Variants in CNTLN observed in about 807,000 individuals in gnomAD.
CNTLN encodes centlein.
In CNTLN, 212 loss-of-function variants were observed where a neutral mutation model predicts 180.0. That is an observed-to-expected ratio of 1.18 (90% CI 1.05 to 1.32). The LOEUF is 1.32. Among genes scored for constraint, CNTLN ranks in the 40% most tolerant of loss-of-function variants. The pLI is 0.00. For synonymous variants in CNTLN, 722 were observed against 563.1 expected (o/e 1.28, Z -3.99); for missense variants, 2,095 against 1,610.9 (o/e 1.30, Z -5.14).
In CNTLN at chr9:17,388,198, A is replaced by G. The variant is rs1282405842; in HGVS notation, c.2024A>G (p.Lys675Arg). The change falls in exon 14 of 26, where the codon AAG becomes AGG. Residue 675 changes from lysine (K) to arginine (R), a missense_variant. Physicochemically the swap from Lys to Arg is conservative, Grantham distance 26. Transcript: ENST00000380647. ...LFRSGEDDEV[K>R]RSTPEKNGKE... ...AGATCTGGTGAAGATGATGAGGTCA[A>G]GAGGAGTACTCCAGAGAAGAATGGA... 1.2e-6 allele frequency: 2 copies of G among 1,612,586 alleles called. No homozygotes were observed. The highest frequency in any genetic ancestry group is 1.7e-6 in the Non-Finnish European group (2 of 1,178,946).
intron 1 of CNTLN, among the ~76,000 whole-genome samples, chr9:17,137,894 T>C (rs1425821918): frequency 1.2e-4 from 18 of 152,210 alleles, no homozygotes; most frequent in Non-Finnish European, 1.5e-5. Flanking sequence ...GATTGTATTA[T>C]CTAATTAAAC....
At chr9:17,216,489 T>C (rs1033683839) in intron 2 of CNTLN, among the ~76,000 whole-genome samples, 1 of 152,184 alleles carries the variant, frequency 6.6e-6, no homozygotes, top group African/African-American at 2.4e-5. Flanking sequence ...CATGTTTTTA[T>C]TGGCCGGTTT....
chr9:17,267,404 C>A (rs201990417), intron 5 of CNTLN, among the ~76,000 whole-genome samples: 128 of 152,212 alleles, frequency 8.4e-4, no homozygotes, highest in African/African-American at 2.7e-3. Context: ...CTGCCGAGAG[C>A]TCCGCTGTTC....
At chr9:17,384,741 A>G (rs1224033475) in intron 13 of CNTLN, among the ~76,000 whole-genome samples, 1 of 152,182 alleles carries the variant, frequency 6.6e-6, no homozygotes, top group East Asian at 1.9e-4. Context: ...CTTGCTGATT[A>G]TTGCCTATTT....
chr9:17,397,650 T>A (rs1402345018), intron 15 of CNTLN, among the ~76,000 whole-genome samples: 3 of 152,154 alleles, frequency 2.0e-5, no homozygotes, highest in African/African-American at 7.2e-5. Context: ...TTGCCTAACT[T>A]ACTGGGAATG....
intron 7 of CNTLN, among the ~76,000 whole-genome samples, chr9:17,305,253 A>G (rs998855955): frequency 6.6e-6 from 1 of 152,182 alleles, no homozygotes; most frequent in African/African-American, 2.4e-5. Flanking sequence ...TAAGGATAGT[A>G]TATTGCTTAT....
intron 2 of CNTLN, among the ~76,000 whole-genome samples, chr9:17,205,077 G>C (rs1822823198): frequency 6.6e-6 from 1 of 152,142 alleles, no homozygotes; most frequent in East Asian, 1.9e-4. Context: ...AGACTGCTGT[G>C]CTGGCAGTGA....
chr9:17,294,470 A>G (rs987890327), intron 6 of CNTLN, among the ~76,000 whole-genome samples: 4 of 151,630 alleles, frequency 2.6e-5, no homozygotes, highest in Non-Finnish European at 4.4e-5. Flanking sequence ...TGGTGCATCC[A>G]CAAACCCTGA....
intron 16 of CNTLN, among the ~76,000 whole-genome samples, chr9:17,411,785 C>G (rs187496599): frequency 1.3e-5 from 2 of 152,076 alleles, no homozygotes; most frequent in Non-Finnish European, 2.9e-5. Flanking sequence ...TCCACCTCCC[C>G]GACCCACTCC....
intron 5 of CNTLN, among the ~76,000 whole-genome samples, chr9:17,264,800 C>T (rs1013249666): frequency 2.0e-5 from 3 of 151,910 alleles, no homozygotes; most frequent in South Asian, 2.1e-4. Context: ...CTCTTTGAAG[C>T]GATTGTGAAT....
intron 13 of CNTLN, among the ~76,000 whole-genome samples, chr9:17,372,077 C>T (rs1554703827): frequency 6.6e-6 from 1 of 151,556 alleles, no homozygotes; most frequent in African/African-American, 2.4e-5. Context: ...GCTAATCAAA[C>T]CCAAAATTAG....
At chr9:17,518,348 C>T in the CNTLN span, among the ~76,000 whole-genome samples, 6 of 152,128 alleles carry the variant, frequency 3.9e-5, no homozygotes, top group South Asian at 1.2e-3. Context: ...TGCCTGGCCT[C>T]CATAAAGTTT....
chr9:17,405,117 C>T (rs550885238), intron 15 of CNTLN, among the ~76,000 whole-genome samples: 1 of 151,856 alleles, frequency 6.6e-6, no homozygotes, highest in Admixed American at 6.6e-5. Flanking sequence ...CTTGACCTCT[C>T]AGCAGCATTT....
At chr9:17,270,553 A>T (rs1280601071) in intron 5 of CNTLN, among the ~76,000 whole-genome samples, 1 of 152,264 alleles carries the variant, frequency 6.6e-6, no homozygotes, top group East Asian at 1.9e-4. Context: ...TTGCCCTGAA[A>T]TGTTCCTTTT....
chr9:17,222,384 A>G (rs942771352), intron 2 of CNTLN, among the ~76,000 whole-genome samples: 4 of 152,020 alleles, frequency 2.6e-5, no homozygotes, highest in Non-Finnish European at 5.9e-5. Flanking sequence ...TTGTACTCCC[A>G]TAATTCCCAA....
intron 2 of CNTLN, among the ~76,000 whole-genome samples, chr9:17,182,927 G>A (rs1307428325): frequency 6.6e-6 from 1 of 152,202 alleles, no homozygotes; most frequent in Non-Finnish European, 1.5e-5. Flanking sequence ...ATAGATTCTA[G>A]TGCGTGCAAA....
At chr9:17,254,330 C>T (rs1476657710) in intron 5 of CNTLN, among the ~76,000 whole-genome samples, 2 of 151,542 alleles carry the variant, frequency 1.3e-5, no homozygotes. Context: ...TATGTTTTTG[C>T]TTTTGTTGTC....
chr9:17,514,763 A>ATGCCACTGAGAT, the CNTLN span, among the ~76,000 whole-genome samples: 1 of 152,216 alleles, frequency 6.6e-6, no homozygotes, highest in Non-Finnish European at 1.5e-5. Flanking sequence ...TTACTGTGGC[A>ATGCCACTGAGAT]TGCCACTGAG....
chr9:17,511,951 C>G, the CNTLN span, among the ~76,000 whole-genome samples: 32 of 152,232 alleles, frequency 2.1e-4, no homozygotes, highest in East Asian at 5.4e-3. Flanking sequence ...CTTCTTGGTA[C>G]CACCATAGGA....
Sources: gnomAD v4.1 joint callset for allele counts (sites outside exome capture counted in the v4.1 genomes callset) on GRCh38, gnomAD v4.1.1 for gene constraint, MANE v1.5 for transcripts, NCBI Gene and HGNC (gene_info 2026-07-23, HGNC 2026-07-21) for gene names.